The following LRRC4C variants were observed in gnomAD, a reference collection of about 807,000 sequenced individuals.
LRRC4C encodes leucine rich repeat containing 4C, also known as leucine-rich repeat-containing protein 4C.
A neutral mutation model predicts 33.6 loss-of-function variants in LRRC4C; 5 were observed. That is an observed-to-expected ratio of 0.15 (90% CI 0.08 to 0.31). LRRC4C has a LOEUF of 0.31. Among genes scored for constraint, LRRC4C ranks in the 10% least tolerant of loss-of-function variants. The pLI is 1.00. For synonymous variants in LRRC4C, 329 were observed against 302.0 expected (o/e 1.09, Z -0.93); for missense variants, 560 against 796.7 (o/e 0.70, Z 3.58).
chr11:40,648,165 C>A lies in LRRC4C; in HGVS notation c.-293G>T, dbSNP rs531526373. On this transcript the variant is annotated 5_prime_UTR_variant, in exon 3 of 7. Transcript: ENST00000528697. ...ACCTGTAGCAAATTGTTCATGGACC[C>A]GTTTCTCTGTTTGCAAAACTGGAAC... The A allele has an allele frequency of 2.3e-4, 35 of 152,206 alleles. No homozygotes were observed. Among genetic ancestry groups the A allele is most frequent in the African/African-American group, 8.4e-4 (35 of 41,524 alleles). The allele number at this position is 152,206 out of a possible 1,614,324, so 9.4% of individuals were successfully genotyped here.
At chr11:40,713,631 C>A (rs1217123487) in intron 2 of LRRC4C, among the ~76,000 whole-genome samples, 1 of 152,152 alleles carries the variant, frequency 6.6e-6, no homozygotes, top group Non-Finnish European at 1.5e-5. Context: ...ACAGAGAAGT[C>A]AGGCTATAAT....
chr11:41,001,688 C>T (rs1406256212), intron 1 of LRRC4C, among the ~76,000 whole-genome samples: 3 of 152,024 alleles, frequency 2.0e-5, no homozygotes, highest in South Asian at 2.1e-4. Context: ...AGATATTAAT[C>T]AAGTGAAATT....
At chr11:41,343,851 T>C (rs1398257751) in intron 1 of LRRC4C, among the ~76,000 whole-genome samples, 1 of 152,226 alleles carries the variant, frequency 6.6e-6, no homozygotes, top group Non-Finnish European at 1.5e-5. Flanking sequence ...CCAAAACCAA[T>C]TAGATAATAA....
intron 6 of LRRC4C, among the ~76,000 whole-genome samples, chr11:40,140,401 C>T (rs546771299): frequency 2.6e-5 from 4 of 152,156 alleles, no homozygotes; most frequent in African/African-American, 9.6e-5. Flanking sequence ...ATGGGAGAAC[C>T]ACATTTCCAG....
At chr11:41,122,554 A>G (rs1942494915) in intron 1 of LRRC4C, among the ~76,000 whole-genome samples, 1 of 152,038 alleles carries the variant, frequency 6.6e-6, no homozygotes. Context: ...AACTTTTAAT[A>G]TGCCCAGATG....
intron 5 of LRRC4C, among the ~76,000 whole-genome samples, chr11:40,168,423 C>A (rs1045535598): frequency 9.2e-5 from 14 of 152,168 alleles, no homozygotes; most frequent in African/African-American, 3.4e-4. Context: ...CTCTAGTTTG[C>A]GTCCAAACCT....
intron 3 of LRRC4C, among the ~76,000 whole-genome samples, chr11:40,456,340 G>C (rs76437651): frequency 0.047 from 7,144 of 152,110 alleles, 233 homozygotes; most frequent in Non-Finnish European, 0.068. Flanking sequence ...GAGATACTAA[G>C]AATCCAAATT....
chr11:40,661,339 C>T (rs2136211658), intron 2 of LRRC4C, among the ~76,000 whole-genome samples: 1 of 152,150 alleles, frequency 6.6e-6, no homozygotes, highest in Non-Finnish European at 1.5e-5. Context: ...CAAGTCTCAC[C>T]TGCCTAAGAA....
chr11:40,189,642 A>G, intron 5 of LRRC4C, among the ~76,000 whole-genome samples: 1 of 152,234 alleles, frequency 6.6e-6, no homozygotes, highest in East Asian at 1.9e-4. Context: ...TGGCTAAAAG[A>G]TCAAACCATA....
rs1591786706 is a variant in LRRC4C, at chr11:40,812,628, A to G, written c.-407+121007T>C. Among the ~76,000 whole-genome samples, 9 of 152,252 alleles carry G rather than the reference A, an allele frequency of 5.9e-5. 1 individual carries two copies. The South Asian group carries it at 1.9e-3, about 32-fold the overall frequency. Reference sequence around the variant, plus strand: ...TAAGAATAGGAAAGATATTTGCCCTAAGCTCTAAGCCACAAAAATGAAAAT... The same window carrying G: ...TAAGAATAGGAAAGATATTTGCCCTGAGCTCTAAGCCACAAAAATGAAAAT... On this transcript the variant is annotated intron_variant, in intron 2 of 6. Coordinates refer to ENST00000528697, the MANE Select transcript of LRRC4C (RefSeq NM_001258419.2).
At chr11:40,655,866 C>A (rs1495318) in intron 2 of LRRC4C, among the ~76,000 whole-genome samples, 95,660 of 152,028 alleles carry the variant, frequency 0.63, 30,235 homozygotes, top group East Asian at 0.71. Flanking sequence ...GGAAACTTAC[C>A]ATCATTGTGG....
intron 1 of LRRC4C, among the ~76,000 whole-genome samples, chr11:41,178,529 C>CT (rs990489968): frequency 2.0e-5 from 3 of 151,656 alleles, no homozygotes; most frequent in Non-Finnish European, 4.4e-5. Context: ...AATTTTTGTA[C>CT]TTTTTTTTGT....
chr11:40,297,240 G>A (rs964527662), intron 4 of LRRC4C, among the ~76,000 whole-genome samples: 1 of 152,114 alleles, frequency 6.6e-6, no homozygotes, highest in African/African-American at 2.4e-5. Flanking sequence ...CATACTTAAA[G>A]TTTGTGTCTT....
At position 40,260,117 on chromosome 11, in the gene LRRC4C, C is replaced by A. The variant is rs1205494526; in HGVS notation, c.-175-18519G>T. On this transcript the variant is annotated intron_variant, in intron 4 of 6. Coordinates refer to ENST00000528697, the MANE Select transcript of LRRC4C (RefSeq NM_001258419.2). ...GACACATGCACACGTATGTTTATTG[C>A]GGCATTATTCACAATAGCAAAGACT... is the stretch of plus-strand genomic sequence containing the variant. Among the ~76,000 whole-genome samples the A allele has an allele frequency of 4.0e-5, 5 of 125,856 alleles. No individual in the cohort carries two copies. The Admixed American group carries it at 4.4e-4, about 11-fold the overall frequency. The allele number at this position is 125,856 out of a possible 152,430, so 82.6% of individuals were successfully genotyped here.
At chr11:40,767,470 T>A (rs547443921) in intron 2 of LRRC4C, among the ~76,000 whole-genome samples, 1 of 152,066 alleles carries the variant, frequency 6.6e-6, no homozygotes, top group Admixed American at 6.6e-5. Context: ...ATAGACCAAA[T>A]GAAACTAAAA....
chr11:41,037,574 T>TCTCACACACACACA lies in LRRC4C; in HGVS notation c.-495-103852_-495-103851insTGTGTGTGTGTGAG, dbSNP rs749499572. Among the ~76,000 whole-genome samples, 11 of 148,964 alleles carry TCTCACACACACACA rather than the reference T, an allele frequency of 7.4e-5. No homozygotes were observed. In the South Asian group the frequency reaches 1.3e-3, roughly 17 times the overall value. On this transcript the variant is annotated intron_variant, in intron 1 of 6. Transcript: ENST00000528697. ...CTGAACTTTCTTACTTCTTTTCCTT[T>TCTCACACACACACA]CACACACACACACACACACACACAC...
chr11:40,901,831 T>A (rs1049552017), intron 2 of LRRC4C, among the ~76,000 whole-genome samples: 2 of 151,784 alleles, frequency 1.3e-5, no homozygotes, highest in African/African-American at 4.8e-5. Flanking sequence ...ACAGAGGGAG[T>A]GAACTCAAAT....
At chr11:41,358,763 C>A (rs1025004197) in intron 1 of LRRC4C, among the ~76,000 whole-genome samples, 10 of 152,118 alleles carry the variant, frequency 6.6e-5, no homozygotes, top group Non-Finnish European at 1.5e-4. Context: ...GCAACAGGAA[C>A]TCTCATTAAT....
chr11:40,233,612 C>G (rs1865356910), intron 5 of LRRC4C, among the ~76,000 whole-genome samples: 1 of 151,980 alleles, frequency 6.6e-6, no homozygotes. Context: ...AAGAAAAATC[C>G]TCATACTTCA....
Sources: allele counts gnomAD v4.1 joint callset (sites outside exome capture counted in the v4.1 genomes callset), GRCh38; gene constraint gnomAD v4.1.1; transcripts MANE v1.5; gene names NCBI Gene and HGNC (gene_info 2026-07-23, HGNC 2026-07-21).